CNOT7: variants seen among roughly 807,000 people sequenced by gnomAD.
CNOT7 encodes CCR4-NOT transcription complex subunit 7, also known as BTG1-binding factor 1.
A neutral mutation model predicts 37.1 loss-of-function variants in CNOT7; 4 were observed. That is an observed-to-expected ratio of 0.11 (90% CI 0.05 to 0.25). CNOT7 has a LOEUF of 0.25. Among genes scored for constraint, CNOT7 ranks in the 10% least tolerant of loss-of-function variants. The pLI, the probability that CNOT7 is intolerant of heterozygous loss-of-function variation, is 1.00. For synonymous variants in CNOT7, 128 were observed against 115.6 expected, an observed-to-expected ratio of 1.11 and a Z score of -0.69; for missense variants, 170 against 336.2, an observed-to-expected ratio of 0.51 and a Z score of 3.87.
At chr8:17,234,648 T>G in intron 5 of CNOT7, 68 bp downstream of exon 5, 1 of 1,489,254 alleles carries the variant, frequency 6.7e-7, no homozygotes, top group Non-Finnish European at 9.4e-7. Context: ...CATCCCAGCC[T>G]AGGCTCGCAT....
intron 3 of CNOT7, chr8:17,242,671 T>C (rs1554479221): frequency 5.2e-6 from 1 of 191,588 alleles, no homozygotes; most frequent in Non-Finnish European, 1.0e-5. Flanking sequence ...TAAAAGGCTA[T>C]ATTTCAAATT....
chr8:17,238,888 C>T (rs1312920769), intron 3 of CNOT7, among the ~76,000 whole-genome samples: 1 of 152,206 alleles, frequency 6.6e-6, no homozygotes, highest in Non-Finnish European at 1.5e-5. Flanking sequence ...CAGCTTGCCT[C>T]ATCGCCAAAG....
chr8:17,246,533 A>T (rs898693298), intron 1 of CNOT7, 142 bp downstream of exon 1: 1 of 152,616 alleles, frequency 6.6e-6, no homozygotes, highest in South Asian at 1.9e-4. Flanking sequence ...CCAGCCCCCA[A>T]CCCGCCGCCA....
rs1433561803 is a variant in CNOT7, at chr8:17,227,079, A to G, written c.*3641T>C. 1 of 151,866 alleles carries G rather than the reference A, an allele frequency of 6.6e-6. No homozygotes were observed. The highest frequency in any genetic ancestry group is 6.6e-5 in the Admixed American group (1 of 15,218). The allele number at this position is 151,866 out of a possible 1,614,324, so 9.4% of individuals were successfully genotyped here. On this transcript the variant is annotated 3_prime_UTR_variant, in exon 7 of 7. Transcript: ENST00000361272. ...CAAGAGCAAATGAAGTTAACTGTTG[A>G]CCAGTTCAGTAACACCAATATTTCC...
At chr8:17,245,698 T>C (rs1265276864) in intron 1 of CNOT7, among the ~76,000 whole-genome samples, 1 of 152,260 alleles carries the variant, frequency 6.6e-6, no homozygotes, top group Non-Finnish European at 1.5e-5. Flanking sequence ...AGATCTACTT[T>C]ACCGGCGTTT....
intron 5 of CNOT7, among the ~76,000 whole-genome samples, chr8:17,233,403 G>C (rs1201469813): frequency 1.3e-5 from 2 of 152,150 alleles, no homozygotes; most frequent in Non-Finnish European, 2.9e-5. Flanking sequence ...TAGGAGAACA[G>C]AACTAGAACT....
chr8:17,230,559 A>T lies in CNOT7; in HGVS notation c.*161T>A. ...TTTTTTTTCTTTTTATTAAGATCTG[A>T]GATAGGAACGGTCATACTTAGTACT... On this transcript the variant is annotated 3_prime_UTR_variant, in exon 7 of 7. Coordinates refer to ENST00000361272, the MANE Select transcript of CNOT7 (RefSeq NM_013354.7). 2 of 437,004 alleles carry T rather than the reference A, an allele frequency of 4.6e-6. No individual in the cohort carries two copies. Among genetic ancestry groups the T allele is most frequent in the Non-Finnish European group, 8.0e-6 (2 of 250,604 alleles). 27.1% of individuals were successfully genotyped at this position (437,004 alleles called of 1,614,324 possible).
Position 17,243,195 on chromosome 8 carries a change from A to G in CNOT7, c.118-10T>C. ...CTGGAAACTCGGTGTCCTGTAAAAT[A>G]GTTTTAAGATTCATTATGTACTAAA... On this transcript the variant is annotated splice_polypyrimidine_tract_variant and intron_variant, in intron 2 of 6. Transcript: ENST00000361272. 1 of 1,577,928 alleles carries G rather than the reference A, an allele frequency of 6.3e-7. No homozygotes were observed. Among genetic ancestry groups the G allele is most frequent in the East Asian group, 2.3e-5 (1 of 44,330 alleles).
chr8:17,238,256 G>C (rs112831772), intron 3 of CNOT7, among the ~76,000 whole-genome samples: 1 of 152,114 alleles, frequency 6.6e-6, no homozygotes, highest in South Asian at 2.1e-4. Flanking sequence ...AAGAATACTG[G>C]TTTCTACCTC....
rs894330648 is a variant in CNOT7 at position 17,227,481 on chromosome 8, T to C, written c.*3239A>G. On this transcript the variant is annotated 3_prime_UTR_variant, in exon 7 of 7. Coordinates refer to ENST00000361272, the MANE Select transcript of CNOT7 (RefSeq NM_013354.7). ...AAAGGGCTGATGTCTTAATTTTCTC[T>C]GGACACATGTCTTTGGGTTGGTTAC... 1.3e-5 allele frequency: 2 copies of C among 151,910 alleles called. No individual in the cohort carries two copies. Among genetic ancestry groups the C allele is most frequent in the Admixed American group, 1.3e-4 (2 of 15,230 alleles). The allele number at this position is 151,910 out of a possible 1,614,324, so 9.4% of individuals were successfully genotyped here. A position where few individuals can be genotyped will look rare whatever the true frequency, so the allele number is the denominator to read the frequency against.
rs1429377102 is a variant in CNOT7, at chr8:17,230,615, G to T, written c.*105C>A. The T allele has an allele frequency of 7.9e-6, 7 of 884,360 alleles. No individual in the cohort carries two copies. The highest frequency in any genetic ancestry group is 3.5e-5 in the African/African-American group (2 of 57,434). The allele number at this position is 884,360 out of a possible 1,614,324, so 54.8% of individuals were successfully genotyped here. ...GCAGACAATAAAATGGGCCATGAAAGGGGGGGGAAAGGTACTGTCTATTGT... is the reference window on the plus strand; with the variant it reads ...GCAGACAATAAAATGGGCCATGAAATGGGGGGGAAAGGTACTGTCTATTGT... On this transcript the variant is annotated 3_prime_UTR_variant, in exon 7 of 7. Coordinates refer to ENST00000361272, the MANE Select transcript of CNOT7 (RefSeq NM_013354.7).
rs1243952503 is a variant in CNOT7, at chr8:17,228,816, T to TTA, written c.*1903_*1904insTA. 2 of 151,974 alleles carry TTA rather than the reference T, an allele frequency of 1.3e-5. No individual in the cohort carries two copies. Among genetic ancestry groups the TTA allele is most frequent in the Admixed American group, 6.6e-5 (1 of 15,244 alleles). The allele number at this position is 151,974 out of a possible 1,614,324, so 9.4% of individuals were successfully genotyped here. The stretch of plus-strand genomic sequence containing the variant: ...TGATTTCTCAAATAGTTGAACAGAA[T>TTA]TTAAATATTAGTTTTCTCAGCTAAC... On this transcript the variant is annotated 3_prime_UTR_variant, in exon 7 of 7. Coordinates refer to ENST00000361272, the MANE Select transcript of CNOT7 (RefSeq NM_013354.7).
chr8:17,231,080 T>C (rs1808539257), intron 6 of CNOT7, among the ~76,000 whole-genome samples: 1 of 152,122 alleles, frequency 6.6e-6, no homozygotes, highest in African/African-American at 2.4e-5. Flanking sequence ...TATAAATGCA[T>C]GTCTTTTCCA....
Position 17,237,963 on chromosome 8 carries a change from G to C in CNOT7, c.312-590C>G, listed in dbSNP as rs548345386. 3.3e-5 allele frequency among the ~76,000 whole-genome samples: 5 copies of C among 152,340 alleles called. No individual in the cohort carries two copies. The South Asian group carries it at 8.3e-4, about 25-fold the overall frequency. ...CTGTATAAAGGACTGTACTGTAATA[G>C]CAATAATTTCTTCTGCCAACAATCC... is the stretch of plus-strand genomic sequence containing the variant. On this transcript the variant is annotated intron_variant, in intron 3 of 6. Coordinates refer to ENST00000361272, the MANE Select transcript of CNOT7 (RefSeq NM_013354.7).
chr8:17,226,749 AT>A lies in CNOT7; in HGVS notation c.*3970del, dbSNP rs1438617394. 1 of 151,794 alleles carries A rather than the reference AT, an allele frequency of 6.6e-6. No homozygotes were observed. The highest frequency in any genetic ancestry group is 1.5e-5 in the Non-Finnish European group (1 of 67,740). The allele number at this position is 151,794 out of a possible 1,614,324, so 9.4% of individuals were successfully genotyped here. A position where few individuals can be genotyped will look rare whatever the true frequency, so the allele number is the denominator to read the frequency against. ...TTGACAATCTTAAGTTTTAGTTTTT[AT>A]TGAAATGAATTTACCATATTATGTT... On this transcript the variant is annotated 3_prime_UTR_variant, in exon 7 of 7. Coordinates refer to ENST00000361272, the MANE Select transcript of CNOT7 (RefSeq NM_013354.7).
At position 17,229,122 on chromosome 8, in the gene CNOT7, C is replaced by G. The variant is rs1808342568; in HGVS notation, c.*1598G>C. 6.6e-6 allele frequency: 1 copy of G among 151,964 alleles called. No homozygotes were observed. The allele number at this position is 151,964 out of a possible 1,614,324, so 9.4% of individuals were successfully genotyped here. ...TTTCAATTAATGGACTAATAATCAT[C>G]TAGGGTTAATGAAGGAAGTTACTGA... On this transcript the variant is annotated 3_prime_UTR_variant, in exon 7 of 7. Transcript: ENST00000361272.
chr8:17,230,997 G>A, intron 6 of CNOT7, 149 bp from the exon 7 acceptor site: 1 of 548,506 alleles, frequency 1.8e-6, no homozygotes, highest in South Asian at 3.0e-5. Context: ...ACGCATTTCA[G>A]TTCAATGAGT....
chr8:17,232,981 G>A (rs1808827153), intron 5 of CNOT7, among the ~76,000 whole-genome samples: 1 of 152,052 alleles, frequency 6.6e-6, no homozygotes, highest in South Asian at 2.1e-4. Flanking sequence ...ACAAAACAAA[G>A]CCATTATGAA....
intron 5 of CNOT7, among the ~76,000 whole-genome samples, chr8:17,234,319 A>G (rs539943916): frequency 2.0e-5 from 3 of 152,252 alleles, no homozygotes; most frequent in Admixed American, 1.3e-4. Flanking sequence ...ATACATCTGC[A>G]TATCGCTGGC....
Sources: gnomAD v4.1 joint callset for allele counts (sites outside exome capture counted in the v4.1 genomes callset) on GRCh38, gnomAD v4.1.1 for gene constraint, MANE v1.5 for transcripts, NCBI Gene and HGNC (gene_info 2026-07-23, HGNC 2026-07-21) for gene names.